Variants in CCDC32 observed in about 807,000 individuals in gnomAD.
The protein encoded by CCDC32 is coiled-coil domain containing 32.
A neutral mutation model predicts 20.1 loss-of-function variants in CCDC32; 9 were observed. That is an observed-to-expected ratio of 0.45 (90% CI 0.27 to 0.78). CCDC32 has a LOEUF of 0.78. CCDC32 is among the 30% of genes least tolerant of loss of function. The pLI is 0.16. For missense variants in CCDC32, 204 were observed against 215.5 expected (o/e 0.95, Z 0.33); for synonymous variants, 63 against 79.0 (o/e 0.80, Z 1.07).
downstream of CCDC32, chr15:40,539,181 A>G: frequency 6.9e-7 from 1 of 1,439,494 alleles, no homozygotes; most frequent in Non-Finnish European, 9.4e-7. Flanking sequence ...CTGACACCAC[A>G]GAAAGGTCAA....
chr15:40,534,801 C>G, downstream of CCDC32: 1 of 679,766 alleles, frequency 1.5e-6, no homozygotes, highest in South Asian at 1.6e-5. Context: ...AGTTCCATCT[C>G]CATATACCAT....
intron 3 of CCDC32, among the ~76,000 whole-genome samples, chr15:40,542,481 C>T (rs1439833398): frequency 6.6e-6 from 1 of 152,134 alleles, no homozygotes; most frequent in African/African-American, 2.4e-5. Context: ...AGGAAAAGAC[C>T]CTGTTGCAAG....
downstream of CCDC32, among the ~76,000 whole-genome samples, chr15:40,551,041 T>G (rs1051455805): frequency 5.8e-4 from 88 of 152,286 alleles, no homozygotes; most frequent in African/African-American, 2.1e-3. Flanking sequence ...TAATTGTTGT[T>G]TGTTTATCAT....
At chr15:40,563,677 AAC>A (rs59483012) in intron 1 of CCDC32, among the ~76,000 whole-genome samples, 48,062 of 129,504 alleles carry the variant, frequency 0.37, 8,020 homozygotes, top group Non-Finnish European at 0.47. Flanking sequence ...CATATATTTT[AAC>A]ACACACACAC....
downstream of CCDC32, chr15:40,538,450 C>T (rs1889227956): frequency 6.6e-6 from 1 of 152,232 alleles, no homozygotes; most frequent in African/African-American, 2.4e-5. Context: ...CCTGTGGGCA[C>T]CTCTTTCTGC....
chr15:40,564,932 T>G, intron 1 of CCDC32, 44 bp downstream of exon 1: 1 of 920,062 alleles, frequency 1.1e-6, no homozygotes, highest in Non-Finnish European at 1.7e-6. Flanking sequence ...CGGGCCAGAG[T>G]GGGAGATCCA....
At chr15:40,558,529 A>G (rs1013933547) in intron 2 of CCDC32, among the ~76,000 whole-genome samples, 2 of 152,090 alleles carry the variant, frequency 1.3e-5, no homozygotes, top group East Asian at 1.9e-4. Flanking sequence ...CTCAGTTGTC[A>G]AAGTGGAAGG....
In CCDC32 at chr15:40,528,889, C is replaced by G. The variant is rs534629361; in HGVS notation, c.402-99G>C. ...TGAGCCTGGGATTTCCAAGGACAGA[C>G]TCGTGTCTAACCACCTCTGGCTCCA... On this transcript the variant is annotated intron_variant, in intron 3 of 3. Coordinates refer to the CCDC32 transcript ENST00000560305. 4.6e-6 allele frequency: 3 copies of G among 647,454 alleles called. No individual in the cohort carries two copies. In the South Asian group the frequency reaches 5.3e-5, roughly 11 times the overall value. 40.1% of individuals were successfully genotyped at this position (647,454 alleles called of 1,614,324 possible). A position where few individuals can be genotyped will look rare whatever the true frequency, so the allele number is the denominator to read the frequency against.
chr15:40,527,608 G>A (rs1894915505), downstream of CCDC32, among the ~76,000 whole-genome samples: 1 of 152,216 alleles, frequency 6.6e-6, no homozygotes, highest in Non-Finnish European at 1.5e-5. Context: ...TGAGGGCTCT[G>A]CTTTCTCACA....
At chr15:40,524,797 G>GT (rs1894880618), downstream of CCDC32, among the ~76,000 whole-genome samples, 1 of 114,972 alleles carries the variant, frequency 8.7e-6, no homozygotes, top group African/African-American at 3.8e-5. Flanking sequence ...TGTTGCTCAG[G>GT]TTTTCTACAG....
At chr15:40,543,239 G>A (rs1889475309) in intron 3 of CCDC32, among the ~76,000 whole-genome samples, 1 of 152,098 alleles carries the variant, frequency 6.6e-6, no homozygotes, top group African/African-American at 2.4e-5. Flanking sequence ...AACCTCCCCA[G>A]TGGTCATGAA....
intron 3 of CCDC32, among the ~76,000 whole-genome samples, chr15:40,543,737 G>A (rs1889498944): frequency 6.6e-6 from 1 of 152,122 alleles, no homozygotes; most frequent in East Asian, 1.9e-4. Context: ...ACAGGTATGA[G>A]CCACTGCACC....
chr15:40,524,885 C>G (rs1894881637), downstream of CCDC32, among the ~76,000 whole-genome samples: 1 of 151,468 alleles, frequency 6.6e-6, no homozygotes, highest in African/African-American at 2.4e-5. Context: ...TGCCACTATG[C>G]CCAGCTAATT....
At chr15:40,559,397 GT>G (rs1361392984) in intron 2 of CCDC32, among the ~76,000 whole-genome samples, 1 of 152,158 alleles carries the variant, frequency 6.6e-6, no homozygotes, top group South Asian at 2.1e-4. Context: ...TTTCATGAAA[GT>G]TTCTTAGAAG....
intron 3 of CCDC32, among the ~76,000 whole-genome samples, chr15:40,544,436 C>T (rs932994426): frequency 2.0e-5 from 3 of 152,114 alleles, no homozygotes; most frequent in African/African-American, 7.2e-5. Flanking sequence ...AGGCTGGTCT[C>T]AAACTCCTGG....
At chr15:40,562,292 G>A (rs1430122072) in intron 2 of CCDC32, 3 of 153,802 alleles carry the variant, frequency 2.0e-5, no homozygotes, top group African/African-American at 7.2e-5. Flanking sequence ...AGAGCTGTTC[G>A]GGTAGTCACG....
At chr15:40,561,339 G>A (rs989531599) in intron 2 of CCDC32, among the ~76,000 whole-genome samples, 7 of 152,130 alleles carry the variant, frequency 4.6e-5, no homozygotes, top group African/African-American at 1.7e-4. Context: ...CAGGCGTGGT[G>A]GTGGGCGACT....
downstream of CCDC32, among the ~76,000 whole-genome samples, chr15:40,530,702 T>C (rs1888848789): frequency 1.4e-5 from 2 of 138,052 alleles, no homozygotes; most frequent in African/African-American, 5.1e-5. Context: ...TCTTTATAAA[T>C]TACCCAGTCT....
chr15:40,535,128 G>T, downstream of CCDC32: 1 of 973,838 alleles, frequency 1.0e-6, no homozygotes. Flanking sequence ...ATCATTACAG[G>T]TATTTGATCA....
Sources: gnomAD v4.1 joint callset for allele counts (sites outside exome capture counted in the v4.1 genomes callset) on GRCh38, gnomAD v4.1.1 for gene constraint, MANE v1.5 for transcripts, NCBI Gene and HGNC (gene_info 2026-07-23, HGNC 2026-07-21) for gene names.